The following SLAIN2 variants were observed in gnomAD, a reference collection of about 807,000 sequenced individuals.
SLAIN2 encodes SLAIN family member 2, also known as SLAIN motif-containing protein 2.
SLAIN2 carries 31 observed loss-of-function variants against 56.6 expected under a neutral mutation model. The ratio of observed to expected loss-of-function variants is 0.55; its 90% CI spans 0.41 to 0.74. The LOEUF (loss-of-function observed/expected upper bound fraction) is 0.74, where lower values mean the gene tolerates loss of function less well. Ranked by LOEUF, SLAIN2 falls within the 30% of genes least tolerant of loss-of-function variation. The probability of loss-of-function intolerance (pLI) is 0.00; values close to 1 mark genes in which losing one functional copy is unlikely to be tolerated. For missense variants in SLAIN2, 777 were observed against 754.2 expected (o/e 1.03, Z -0.35); for synonymous variants, 317 against 284.9 (o/e 1.11, Z -1.13).
Position 48,422,098 on chromosome 4 carries a change from G to A in SLAIN2, c.*21G>A. 1.3e-6 allele frequency: 2 copies of A among 1,597,672 alleles called. No individual in the cohort carries two copies. The highest frequency in any genetic ancestry group is 1.7e-6 in the Non-Finnish European group (2 of 1,169,748). Reference sequence around the variant, plus strand: ...ACTGACCAGCAAAGACAAGAATGCAGAAGTCCACGGCTTCATGGATACCCT... The same window carrying A: ...ACTGACCAGCAAAGACAAGAATGCAAAAGTCCACGGCTTCATGGATACCCT... On this transcript the variant is annotated 3_prime_UTR_variant, in exon 8 of 8. Coordinates refer to ENST00000264313, the MANE Select transcript of SLAIN2 (RefSeq NM_020846.2).
chr4:48,365,496 C>G (rs1205173694), intron 1 of SLAIN2, among the ~76,000 whole-genome samples: 3 of 142,456 alleles, frequency 2.1e-5, no homozygotes, highest in Non-Finnish European at 4.6e-5. Flanking sequence ...TTTCTGTTTT[C>G]TATTTCACTG....
intron 6 of SLAIN2, among the ~76,000 whole-genome samples, chr4:48,389,004 T>C (rs1356838835): frequency 6.6e-6 from 1 of 152,224 alleles, no homozygotes; most frequent in Non-Finnish European, 1.5e-5. Context: ...CATCCTGTTA[T>C]GAGACCAGTG....
chr4:48,380,719 C>T (rs2109761534), intron 4 of SLAIN2, among the ~76,000 whole-genome samples: 1 of 152,218 alleles, frequency 6.6e-6, no homozygotes, highest in Admixed American at 6.5e-5. Context: ...ATCTCTTCAA[C>T]CTTTACAATG....
At chr4:48,406,854 T>G (rs1490072155) in intron 6 of SLAIN2, among the ~76,000 whole-genome samples, 1 of 152,172 alleles carries the variant, frequency 6.6e-6, no homozygotes, top group Non-Finnish European at 1.5e-5. Flanking sequence ...CTTAAATGTA[T>G]TACTCCACCT....
chr4:48,341,756 C>T lies in SLAIN2; in HGVS notation c.17C>T (p.Ser6Phe), dbSNP rs767404012. 1.7e-5 allele frequency: 26 copies of T among 1,533,008 alleles called. No individual in the cohort carries two copies. Among genetic ancestry groups the T allele is most frequent in the African/African-American group, 7.1e-5 (5 of 70,808 alleles). 95.0% of individuals were successfully genotyped at this position (1,533,008 alleles called of 1,614,324 possible). A position where few individuals can be genotyped will look rare whatever the true frequency, so the allele number is the denominator to read the frequency against. MEDVN[S>F]NVNADQEVRK... ...GGGGCCGGGATGGAGGACGTTAACT[C>T]CAACGTGAACGCGGACCAGGAGGTG... is the stretch of plus-strand genomic sequence containing the variant. Residue 6 changes from serine (S) to phenylalanine (F), a missense_variant, in exon 1 of 8, where the codon TCC (serine) becomes TTC (phenylalanine). By Grantham distance (155) the Ser-to-Phe change is radical. Transcript: ENST00000264313.
chr4:48,422,222 G>A lies in SLAIN2; in HGVS notation c.*145G>A, dbSNP rs1216199406. On this transcript the variant is annotated 3_prime_UTR_variant, in exon 8 of 8. Coordinates refer to ENST00000264313, the MANE Select transcript of SLAIN2 (RefSeq NM_020846.2). ...CTCTCTGTCTTAATTAGCACAAACC[G>A]ACAGAGATCATCAAACAGCACTTTA... is the stretch of plus-strand genomic sequence containing the variant. The A allele has an allele frequency of 1.3e-5, 8 of 613,496 alleles. No individual in the cohort carries two copies. Among genetic ancestry groups the A allele is most frequent in the African/African-American group, 5.6e-5 (3 of 53,870 alleles). 38.0% of individuals were successfully genotyped at this position (613,496 alleles called of 1,614,324 possible).
At chr4:48,383,168 C>T (rs114530839) in intron 5 of SLAIN2, among the ~76,000 whole-genome samples, 17 of 95,552 alleles carry the variant, frequency 1.8e-4, no homozygotes, top group African/African-American at 4.3e-4. Context: ...ATCCTGTTTT[C>T]AAAAAAAAAA....
intron 3 of SLAIN2, among the ~76,000 whole-genome samples, 159 bp downstream of exon 3, chr4:48,378,219 A>G (rs1185238777): frequency 2.6e-5 from 4 of 152,236 alleles, no homozygotes; most frequent in African/African-American, 9.6e-5. Flanking sequence ...ACCAGGTACT[A>G]TATTAGGCAC....
At chr4:48,354,106 A>T (rs1715088125) in intron 1 of SLAIN2, among the ~76,000 whole-genome samples, 1 of 152,318 alleles carries the variant, frequency 6.6e-6, no homozygotes, top group South Asian at 2.1e-4. Context: ...ATAGTTGGTT[A>T]TGGCAAAACA....
At chr4:48,407,082 C>T (rs1716718007) in intron 6 of SLAIN2, among the ~76,000 whole-genome samples, 1 of 151,932 alleles carries the variant, frequency 6.6e-6, no homozygotes, top group South Asian at 2.1e-4. Flanking sequence ...TTTTTATATT[C>T]TGTTCTCTTG....
chr4:48,384,260 G>A (rs937474849), intron 6 of SLAIN2, among the ~76,000 whole-genome samples: 1 of 152,102 alleles, frequency 6.6e-6, no homozygotes, highest in Non-Finnish European at 1.5e-5. Context: ...TATTAAATCT[G>A]TTATCAAAGT....
chr4:48,414,542 G>A (rs1577739826), intron 6 of SLAIN2, among the ~76,000 whole-genome samples: 1 of 129,786 alleles, frequency 7.7e-6, no homozygotes, highest in Non-Finnish European at 1.7e-5. Context: ...CAATGCAATT[G>A]GTGTGGTATT....
At chr4:48,374,533 A>G (rs1200383847) in intron 2 of SLAIN2, among the ~76,000 whole-genome samples, 2 of 152,130 alleles carry the variant, frequency 1.3e-5, no homozygotes, top group Non-Finnish European at 1.5e-5. Flanking sequence ...AGCCACTGCA[A>G]CTGGCACCCG....
chr4:48,420,274 C>T lies in SLAIN2; in HGVS notation c.1510C>T (p.Pro504Ser), dbSNP rs777047295. ...ACAAACCACCTCCTCACCTGGGCCT[C>T]CTATGGTTCAGAGCACAGTCTCAGC... ...LTQTTSSPGP[P>S]MVQSTVSANP... The change falls in exon 7 of 8, where the codon CCT becomes TCT. Residue 504 changes from proline to serine, a missense_variant. Transcript: ENST00000264313. 1.2e-6 allele frequency: 2 copies of T among 1,613,930 alleles called. No individual in the cohort carries two copies. The highest frequency in any genetic ancestry group is 8.5e-7 in the Non-Finnish European group (1 of 1,179,872).
intron 6 of SLAIN2, among the ~76,000 whole-genome samples, chr4:48,391,109 G>A (rs770545273): frequency 3.2e-4 from 49 of 152,118 alleles, no homozygotes; most frequent in Non-Finnish European, 6.6e-4. Context: ...CAGAATTGAG[G>A]CAACTCCAAA....
At position 48,360,867 on chromosome 4, in the gene SLAIN2, G is replaced by A. The variant is rs530539446; in HGVS notation, c.390-8982G>A. ...CCATATCAATGGTATCATACAATCT[G>A]CGATGTTTTGTGACTGGCTTCTTTT... On this transcript the variant is annotated intron_variant, in intron 1 of 7. Coordinates refer to ENST00000264313, the MANE Select transcript of SLAIN2 (RefSeq NM_020846.2). 1.9e-4 allele frequency among the ~76,000 whole-genome samples: 29 copies of A among 152,224 alleles called. 1 individual carries two copies. Among genetic ancestry groups the A allele is most frequent in the African/African-American group, 6.7e-4 (28 of 41,536 alleles).
At chr4:48,354,025 T>A (rs1715086054) in intron 1 of SLAIN2, among the ~76,000 whole-genome samples, 1 of 152,106 alleles carries the variant, frequency 6.6e-6, no homozygotes, top group African/African-American at 2.4e-5. Context: ...TAAGAAGCAG[T>A]TTAGAGCTCT....
intron 1 of SLAIN2, among the ~76,000 whole-genome samples, chr4:48,355,115 C>T (rs1197774748): frequency 2.0e-5 from 3 of 151,520 alleles, no homozygotes; most frequent in South Asian, 2.1e-4. Flanking sequence ...TTCCTGACCT[C>T]GTGATCCGCC....
intron 1 of SLAIN2, among the ~76,000 whole-genome samples, chr4:48,365,314 C>CA (rs1440882112): frequency 6.6e-6 from 1 of 151,334 alleles, no homozygotes; most frequent in Non-Finnish European, 1.5e-5. Context: ...ACTAAAAATA[C>CA]AAAAAACTAG....
Sources: allele counts gnomAD v4.1 joint callset (sites outside exome capture counted in the v4.1 genomes callset), GRCh38; gene constraint gnomAD v4.1.1; transcripts MANE v1.5; gene names NCBI Gene and HGNC (gene_info 2026-07-23, HGNC 2026-07-21).